Variants in EFCAB11 observed in about 807,000 individuals in gnomAD.
EFCAB11 encodes EF-hand calcium binding domain 11.
A neutral mutation model predicts 23.0 loss-of-function variants in EFCAB11; 14 were observed. The observed-to-expected ratio is 0.61, with a 90% CI of 0.40 to 0.95. EFCAB11 has a LOEUF of 0.95. Among genes scored for constraint, EFCAB11 ranks in the 40% least tolerant of loss-of-function variants. EFCAB11 has a pLI of 0.00. For synonymous variants in EFCAB11, 65 were observed against 66.6 expected (o/e 0.98, Z 0.11); for missense variants, 198 against 195.8 (o/e 1.01, Z -0.07).
chr14:89,926,635 A>G (rs1235636340), intron 5 of EFCAB11, among the ~76,000 whole-genome samples: 1 of 152,258 alleles, frequency 6.6e-6, no homozygotes, highest in Non-Finnish European at 1.5e-5. Flanking sequence ...AAAGCAAGCA[A>G]TTAAAATAAA....
chr14:89,875,047 G>A (rs77916052), intron 5 of EFCAB11, among the ~76,000 whole-genome samples: 2 of 152,108 alleles, frequency 1.3e-5, no homozygotes, highest in African/African-American at 2.4e-5. Flanking sequence ...ACATGCAGCC[G>A]TGGACATCTA....
chr14:89,945,432 A>G (rs1890945545), intron 3 of EFCAB11, among the ~76,000 whole-genome samples: 1 of 152,172 alleles, frequency 6.6e-6, no homozygotes, highest in African/African-American at 2.4e-5. Context: ...TTTTCATTCA[A>G]TTCAAAATAC....
chr14:89,823,212 T>C (rs747434479), intron 5 of EFCAB11, among the ~76,000 whole-genome samples: 30 of 152,138 alleles, frequency 2.0e-4, no homozygotes, highest in South Asian at 1.0e-3. Flanking sequence ...ATGCAGAGGA[T>C]CACATGAAAA....
At position 89,835,585 on chromosome 14, in the gene EFCAB11, C is replaced by CGTGTGTGTGTGTGTGTGTGTGT. The variant is rs67831579; in HGVS notation, c.411-38283_411-38262dup. 8.1e-4 allele frequency among the ~76,000 whole-genome samples: 76 copies of CGTGTGTGTGTGTGTGTGTGTGT among 93,394 alleles called. 4 individuals are homozygous for CGTGTGTGTGTGTGTGTGTGTGT. The highest frequency in any genetic ancestry group is 2.1e-3 in the East Asian group (6 of 2,862). The allele number at this position is 93,394 out of a possible 152,430, so 61.3% of individuals were successfully genotyped here. A position where few individuals can be genotyped will look rare whatever the true frequency, so the allele number is the denominator to read the frequency against. ...TGGATTTCAGATTAGGGATGCTCAA[C>CGTGTGTGTGTGTGTGTGTGTGT]GTGTGTGTGTGTGTGTGTGTGTGTG... On this transcript the variant is annotated intron_variant, in intron 5 of 5. Transcript: ENST00000316738.
chr14:89,943,523 G>C (rs1293588269), intron 3 of EFCAB11, among the ~76,000 whole-genome samples: 1 of 152,068 alleles, frequency 6.6e-6, no homozygotes, highest in Non-Finnish European at 1.5e-5. Context: ...GACTACAGGC[G>C]TGAGCTACCA....
chr14:89,954,450 A>T, intron 1 of EFCAB11, 136 bp downstream of exon 1: 1 of 1,537,916 alleles, frequency 6.5e-7, no homozygotes, highest in South Asian at 1.2e-5. Flanking sequence ...AGGATCAGTC[A>T]TTAACCACGA....
At chr14:89,889,314 G>A (rs1200261717) in intron 5 of EFCAB11, among the ~76,000 whole-genome samples, 3 of 152,106 alleles carry the variant, frequency 2.0e-5, no homozygotes, top group South Asian at 2.1e-4. Context: ...TCATGGATTC[G>A]AAGCCTTACT....
intron 5 of EFCAB11, among the ~76,000 whole-genome samples, chr14:89,925,641 T>C (rs1890166372): frequency 7.7e-6 from 1 of 129,744 alleles, no homozygotes; most frequent in Non-Finnish European, 1.5e-5. Flanking sequence ...CAAAGTTATG[T>C]TTCTTTCTTT....
At chr14:89,841,354 A>G (rs758426670) in intron 5 of EFCAB11, among the ~76,000 whole-genome samples, 23 of 151,366 alleles carry the variant, frequency 1.5e-4, no homozygotes, top group Non-Finnish European at 2.7e-4. Flanking sequence ...CTTCCCATTG[A>G]GTGAAAGTAA....
At chr14:89,950,647 C>T (rs1452490906) in intron 2 of EFCAB11, among the ~76,000 whole-genome samples, 3 of 152,102 alleles carry the variant, frequency 2.0e-5, no homozygotes, top group South Asian at 2.1e-4. Flanking sequence ...CTTTTTTCCC[C>T]TATGCATCTT....
At chr14:89,935,669 G>A (rs1385319647) in intron 3 of EFCAB11, among the ~76,000 whole-genome samples, 1 of 152,210 alleles carries the variant, frequency 6.6e-6, no homozygotes, top group African/African-American at 2.4e-5. Context: ...GAGGTCAGGA[G>A]TTCCAGACCA....
intron 5 of EFCAB11, among the ~76,000 whole-genome samples, chr14:89,889,897 T>C (rs552409853): frequency 4.6e-5 from 7 of 152,226 alleles, no homozygotes; most frequent in Non-Finnish European, 1.0e-4. Context: ...CTTCACCCCA[T>C]GTACCCTTCC....
chr14:89,836,380 C>T, intron 5 of EFCAB11: 1 of 342,390 alleles, frequency 2.9e-6, no homozygotes, highest in South Asian at 2.3e-5. Flanking sequence ...GTACCTGGGA[C>T]CCTAGAATTT....
chr14:89,803,947 A>G (rs1885875455), intron 5 of EFCAB11, among the ~76,000 whole-genome samples: 1 of 152,128 alleles, frequency 6.6e-6, no homozygotes, highest in African/African-American at 2.4e-5. Context: ...GATATACAGG[A>G]AAGACTAAAG....
intron 5 of EFCAB11, among the ~76,000 whole-genome samples, chr14:89,839,903 C>T (rs1194862907): frequency 6.6e-6 from 1 of 152,112 alleles, no homozygotes; most frequent in Non-Finnish European, 1.5e-5. Flanking sequence ...TTAGAAACCG[C>T]CCCCATGAAC....
intron 5 of EFCAB11, among the ~76,000 whole-genome samples, chr14:89,814,517 C>T (rs1033621689): frequency 3.3e-5 from 5 of 152,092 alleles, no homozygotes; most frequent in African/African-American, 1.2e-4. Context: ...GCAGCCTGAC[C>T]AACATGGAGA....
In EFCAB11 at chr14:89,794,968, C is replaced by CTTTT. The variant is rs375782284; in HGVS notation, c.*2271_*2274dup. On this transcript the variant is annotated 3_prime_UTR_variant, in exon 6 of 6. Transcript: ENST00000316738. ...TGCTTGATTTGTTTCTACTTAATGT[C>CTTTT]TTTTTTTTTTTTTTTTTTTTTTTTT... 5 of 67,246 alleles carry CTTTT rather than the reference C, an allele frequency of 7.4e-5. No individual in the cohort carries two copies. Among genetic ancestry groups the CTTTT allele is most frequent in the Non-Finnish European group, 1.3e-4 (5 of 38,580 alleles). The allele number at this position is 67,246 out of a possible 1,614,324, so 4.2% of individuals were successfully genotyped here.
At chr14:89,830,819 T>G (rs1165280924) in intron 5 of EFCAB11, 2 of 152,212 alleles carry the variant, frequency 1.3e-5, no homozygotes, top group Non-Finnish European at 2.9e-5. Flanking sequence ...CACTCATAAT[T>G]GCAAATAGTG....
At chr14:89,848,305 G>C (rs1014105455) in intron 5 of EFCAB11, 2 of 152,140 alleles carry the variant, frequency 1.3e-5, no homozygotes, top group Admixed American at 1.3e-4. Context: ...TATGACTTCA[G>C]TGTTCAATTC....
Sources: allele counts gnomAD v4.1 joint callset (sites outside exome capture counted in the v4.1 genomes callset), GRCh38; gene constraint gnomAD v4.1.1; transcripts MANE v1.5; gene names NCBI Gene and HGNC (gene_info 2026-07-23, HGNC 2026-07-21).